SOX5: variants seen among roughly 807,000 people sequenced by gnomAD.
SOX5 encodes transcription factor SOX-5.
In SOX5, 9 loss-of-function variants were observed where a neutral mutation model predicts 92.0. The ratio of observed to expected loss-of-function variants is 0.10; its 90% CI spans 0.06 to 0.17. The LOEUF is 0.17. SOX5 is among the 10% of genes least tolerant of loss of function. The pLI is 1.00. For missense variants in SOX5, 642 were observed against 944.5 expected (o/e 0.68, Z 4.20); for synonymous variants, 344 against 336.3 (o/e 1.02, Z -0.25).
intron 11 of SOX5, among the ~76,000 whole-genome samples, chr12:23,556,603 A>T (rs1945217760): frequency 1.3e-5 from 2 of 152,236 alleles, no homozygotes; most frequent in South Asian, 4.1e-4. Context: ...TTTACCTAAC[A>T]TGCCTACTTC....
chr12:23,886,951 G>A (rs2097074617), intron 2 of SOX5, among the ~76,000 whole-genome samples: 1 of 152,144 alleles, frequency 6.6e-6, no homozygotes, highest in African/African-American at 2.4e-5. Flanking sequence ...GTGTTGTTTA[G>A]CTAAGTACGG....
chr12:23,997,860 C>G (rs1951186735), intron 4 of SOX5, among the ~76,000 whole-genome samples: 1 of 152,158 alleles, frequency 6.6e-6, no homozygotes, highest in Non-Finnish European at 1.5e-5. Flanking sequence ...GCAGAGACAT[C>G]AGTTATACCC....
At chr12:24,296,299 A>G (rs1688176177) in intron 2 of SOX5, among the ~76,000 whole-genome samples, 1 of 152,238 alleles carries the variant, frequency 6.6e-6, no homozygotes, top group Non-Finnish European at 1.5e-5. Flanking sequence ...ACACAATAGA[A>G]AAAGGTAACT....
At chr12:23,723,566 TTATA>T (rs10679589) in intron 6 of SOX5, among the ~76,000 whole-genome samples, 2,513 of 144,694 alleles carry the variant, frequency 0.017, 91 homozygotes, top group African/African-American at 0.061. Context: ...AGGAGAAAAA[TTATA>T]TATATATATA....
intron 7 of SOX5, among the ~76,000 whole-genome samples, chr12:23,657,645 T>C (rs1054252227): frequency 2.0e-5 from 3 of 152,274 alleles, no homozygotes; most frequent in East Asian, 3.9e-4. Context: ...TTGATGAACT[T>C]AGTCTGTTAC....
In SOX5 at chr12:24,266,034, A is replaced by ATGTGTG. The variant is rs59696898; in HGVS notation, c.-77+11176_-77+11181dup. The stretch of plus-strand genomic sequence containing the variant: ...CAGGTGTATGCCATCATGCCAGCTA[A>ATGTGTG]TGTGTGTGTGTGTGTGTGTGTGTGT... On this transcript the variant is annotated intron_variant, in intron 3 of 4. Transcript: ENST00000446891. 1.0e-2 allele frequency among the ~76,000 whole-genome samples: 1,275 copies of ATGTGTG among 127,678 alleles called. 21 individuals carry two copies. The highest frequency in any genetic ancestry group is 0.035 in the African/African-American group (1,188 of 34,424). 83.8% of individuals were successfully genotyped at this position (127,678 alleles called of 152,430 possible). A position where few individuals can be genotyped will look rare whatever the true frequency, so the allele number is the denominator to read the frequency against.
intron 1 of SOX5, among the ~76,000 whole-genome samples, chr12:23,946,321 C>G (rs749484353): frequency 6.6e-6 from 1 of 151,956 alleles, no homozygotes; most frequent in Non-Finnish European, 1.5e-5. Flanking sequence ...CTTAAGCAAT[C>G]GTCTTACACT....
At chr12:23,620,933 A>G (rs904046072) in intron 8 of SOX5, among the ~76,000 whole-genome samples, 1 of 152,174 alleles carries the variant, frequency 6.6e-6, no homozygotes, top group African/African-American at 2.4e-5. Context: ...GTAAATAATT[A>G]TCTCTGCTTT....
intron 6 of SOX5, among the ~76,000 whole-genome samples, chr12:23,677,057 A>G (rs1035747254): frequency 6.6e-6 from 1 of 152,244 alleles, no homozygotes; most frequent in African/African-American, 2.4e-5. Flanking sequence ...TTCTTATAGT[A>G]GCAACTAGCT....
chr12:24,371,753 C>T (rs36044031), intron 1 of SOX5, among the ~76,000 whole-genome samples: 11,695 of 152,168 alleles, frequency 0.077, 509 homozygotes, highest in Middle Eastern at 0.11. Flanking sequence ...TTCGGGAGGC[C>T]GAGACAGGCG....
rs117246022 is a variant in SOX5 at position 24,423,018 on chromosome 12, A to G, written c.-250-54379T>C. Among the ~76,000 whole-genome samples the G allele has an allele frequency of 3.0e-3, 452 of 152,350 alleles. 13 individuals are homozygous for G. The East Asian group carries it at 0.035, about 12-fold the overall frequency. On this transcript the variant is annotated intron_variant, in intron 1 of 4. Coordinates refer to the SOX5 transcript ENST00000446891. ...AGAGTGAGACTGTCTCAAAACAACA[A>G]CAAAACAACCAAACAAAAAAGAATA...
At chr12:23,853,227 T>C (rs569869656) in intron 2 of SOX5, among the ~76,000 whole-genome samples, 27 of 151,334 alleles carry the variant, frequency 1.8e-4, no homozygotes, top group Admixed American at 5.3e-4. Context: ...CCTGATGTCC[T>C]ACTAACTATA....
chr12:23,665,355 T>C, intron 7 of SOX5, 89 bp downstream of exon 7: 1 of 1,399,048 alleles, frequency 7.1e-7, no homozygotes, highest in Non-Finnish European at 1.0e-6. Context: ...ATGGGTGATC[T>C]CATTTCTTGG....
chr12:24,372,951 CAAAAAAAA>C (rs375852900), intron 1 of SOX5, among the ~76,000 whole-genome samples: 28 of 122,536 alleles, frequency 2.3e-4, no homozygotes, highest in Non-Finnish European at 3.8e-4. Context: ...CCATCTCTAC[CAAAAAAAA>C]AAAAAAAAAA....
intron 2 of SOX5, among the ~76,000 whole-genome samples, chr12:23,847,214 A>G (rs1595005603): frequency 6.6e-6 from 1 of 152,026 alleles, no homozygotes; most frequent in East Asian, 2.0e-4. Flanking sequence ...CAAAACAGAC[A>G]TCTTAAACAT....
At chr12:23,753,784 AC>A (rs561557673) in intron 4 of SOX5, among the ~76,000 whole-genome samples, 128 of 151,700 alleles carry the variant, frequency 8.4e-4, no homozygotes, top group African/African-American at 2.8e-3. Flanking sequence ...AAATTCACTT[AC>A]CCCCAGAGGG....
chr12:23,840,075 G>A lies in SOX5; in HGVS notation c.481+5908C>T, dbSNP rs11047126. Among the ~76,000 whole-genome samples the A allele has an allele frequency of 2.2e-3, 339 of 151,636 alleles. 13 individuals carry two copies. In the East Asian group the frequency reaches 0.059, roughly 27 times the overall value. On this transcript the variant is annotated intron_variant, in intron 3 of 14. Transcript: ENST00000451604. ...GTTTGCAGATGACATGATTGTCTAC[G>A]TAGAAAATTTCAAGGAATCAGTAAA...
intron 3 of SOX5, among the ~76,000 whole-genome samples, chr12:23,804,916 TATATATATA>T (rs1219084372): frequency 4.2e-3 from 14 of 3,300 alleles, no homozygotes; most frequent in African/African-American, 6.5e-3. Context: ...ATCATTGTTT[TATATATATA>T]TATATATATA....
chr12:23,961,326 T>C (rs1946904906), intron 4 of SOX5, among the ~76,000 whole-genome samples: 1 of 152,180 alleles, frequency 6.6e-6, no homozygotes, highest in Non-Finnish European at 1.5e-5. Context: ...ACTGACATTA[T>C]AAATCAAAAC....
Sources: allele counts gnomAD v4.1 joint callset (sites outside exome capture counted in the v4.1 genomes callset), GRCh38; gene constraint gnomAD v4.1.1; transcripts MANE v1.5; gene names NCBI Gene and HGNC (gene_info 2026-07-23, HGNC 2026-07-21).